RIPK1: variants seen among roughly 807,000 people sequenced by gnomAD.
RIPK1 encodes receptor interacting serine/threonine kinase 1.
RIPK1 carries 27 observed loss-of-function variants against 62.4 expected under a neutral mutation model. The observed-to-expected ratio is 0.43, with a 90% confidence interval of 0.32 to 0.60. The LOEUF (loss-of-function observed/expected upper bound fraction) is 0.60. RIPK1 is among the 20% of genes least tolerant of loss of function. The probability of loss-of-function intolerance (pLI) is 0.07; values close to 1 mark genes in which losing one functional copy is unlikely to be tolerated. For synonymous variants in RIPK1, 287 were observed against 303.2 expected (o/e 0.95, Z 0.55); for missense variants, 735 against 831.0 (o/e 0.88, Z 1.42).
chr6:3,099,022 G>C (rs779416756), intron 7 of RIPK1, among the ~76,000 whole-genome samples: 1 of 152,212 alleles, frequency 6.6e-6, no homozygotes. Flanking sequence ...CTTGCAACAG[G>C]GCAGCAAATC....
At chr6:3,074,347 G>A (rs1277183634) in intron 1 of RIPK1, among the ~76,000 whole-genome samples, 1 of 152,192 alleles carries the variant, frequency 6.6e-6, no homozygotes, top group East Asian at 1.9e-4. Context: ...TTTCGTTCAT[G>A]CGGTTTTCAT....
rs761016670 is a variant in RIPK1, at chr6:3,105,944, A to G, written c.1469A>G (p.Tyr490Cys). 6 of 1,614,000 alleles carry G rather than the reference A, an allele frequency of 3.7e-6. No individual in the cohort carries two copies. The African/African-American group carries it at 8.0e-5, about 22-fold the overall frequency. The change falls in exon 9 of 11, where the codon TAC becomes TGC. Residue 490 changes from tyrosine (Y) to cysteine (C), a missense_variant. Coordinates refer to ENST00000259808, the MANE Select transcript of RIPK1 (RefSeq NM_001354930.2). This position sits in a 1 kb window ranked among gnomAD's most constrained non-coding sequence, Gnocchi z 4.5. ...GGAACAGCAGGTCCCAGAGTTTGGT[A>G]CAGGCCAATTCCAAGTCATATGCCT... ...DPGTAGPRVW[Y>C]RPIPSHMPSL...
chr6:3,101,935 A>G (rs1209755431), intron 7 of RIPK1, among the ~76,000 whole-genome samples: 2 of 152,134 alleles, frequency 1.3e-5, no homozygotes, highest in African/African-American at 4.8e-5. Flanking sequence ...TACCTGCTAA[A>G]CGGTAACTCC....
At position 3,105,342 on chromosome 6, in the gene RIPK1, A is replaced by G. The variant is rs1477659765; in HGVS notation, c.1007-140A>G. 3.2e-6 allele frequency: 2 copies of G among 628,662 alleles called. No individual in the cohort carries two copies. The highest frequency in any genetic ancestry group is 2.6e-5 in the East Asian group (1 of 37,786). 38.9% of individuals were successfully genotyped at this position (628,662 alleles called of 1,614,324 possible). Reference sequence around the variant, plus strand: ...TTGTAAAGCTTGTGGGAAGAGGACCATCTCCTAAATGCTTTGGACTGGTCT... The same window carrying G: ...TTGTAAAGCTTGTGGGAAGAGGACCGTCTCCTAAATGCTTTGGACTGGTCT... On this transcript the variant is annotated intron_variant, in intron 8 of 10. Coordinates refer to ENST00000259808, the MANE Select transcript of RIPK1 (RefSeq NM_001354930.2). The surrounding 1 kb of genome is among the most constrained non-coding windows in gnomAD (Gnocchi z 4.5).
At chr6:3,106,525 A>C (rs566423591) in intron 9 of RIPK1, among the ~76,000 whole-genome samples, 1 of 152,374 alleles carries the variant, frequency 6.6e-6, no homozygotes, top group East Asian at 1.9e-4. Flanking sequence ...AAGGTAGGTG[A>C]TAGTAGTTAC....
intron 7 of RIPK1, 122 bp from the exon 8 acceptor site, chr6:3,104,103 A>G: frequency 1.8e-6 from 1 of 565,020 alleles, no homozygotes; most frequent in Non-Finnish European, 3.2e-6. Flanking sequence ...TTAAAAAATT[A>G]CTACTTGTAA....
chr6:3,077,009 G>A, intron 2 of RIPK1, 22 bp downstream of exon 2: 3 of 1,574,898 alleles, frequency 1.9e-6, no homozygotes, highest in Admixed American at 1.8e-5. Flanking sequence ...GCAGGGGTGG[G>A]TGGGCTAAGT....
intron 5 of RIPK1, 72 bp downstream of exon 5, chr6:3,083,385 C>G: frequency 1.4e-5 from 19 of 1,317,120 alleles, no homozygotes; most frequent in Middle Eastern, 2.5e-4. Flanking sequence ...CTAATAGGTG[C>G]CCAGTAAATT....
At position 3,105,193 on chromosome 6, in the gene RIPK1, C is replaced by T. The variant is rs1362717947; in HGVS notation, c.1007-289C>T. Among the ~76,000 whole-genome samples the T allele has an allele frequency of 1.1e-4, 16 of 152,170 alleles. No homozygotes were observed. On this transcript the variant is annotated intron_variant, in intron 8 of 10. Transcript: ENST00000259808. This position sits in a 1 kb window ranked among gnomAD's most constrained non-coding sequence, Gnocchi z 4.5. ...ACCTGAATTGCTCCAAGGAGACAAC[C>T]ACCTTCTCTGCTCCAAACCAAGTCC...
intron 3 of RIPK1, among the ~76,000 whole-genome samples, chr6:3,079,779 C>T (rs1036933020): frequency 1.3e-5 from 2 of 152,188 alleles, no homozygotes; most frequent in Non-Finnish European, 2.9e-5. Flanking sequence ...TGCTCTCCAC[C>T]CCAGAACTAG....
At chr6:3,069,098 G>A (rs1307197205) in intron 1 of RIPK1, among the ~76,000 whole-genome samples, 3 of 152,244 alleles carry the variant, frequency 2.0e-5, no homozygotes, top group Non-Finnish European at 2.9e-5. Context: ...GCGGAGACCT[G>A]CCTTTGGGCC....
At chr6:3,065,214 G>A (rs1188640947), upstream of RIPK1, among the ~76,000 whole-genome samples, 2 of 138,816 alleles carry the variant, frequency 1.4e-5, no homozygotes, top group Non-Finnish European at 3.0e-5. Flanking sequence ...CTGAGATCGC[G>A]CCACTGCACT....
chr6:3,106,323 T>C (rs565317863), intron 9 of RIPK1, among the ~76,000 whole-genome samples: 4 of 152,294 alleles, frequency 2.6e-5, no homozygotes, highest in African/African-American at 7.2e-5. Flanking sequence ...CTGGAGTGCA[T>C]AGTAGTCCTA....
intron 3 of RIPK1, 60 bp from the exon 4 acceptor site, chr6:3,080,919 A>G (rs1759343136): frequency 1.3e-6 from 2 of 1,541,608 alleles, no homozygotes; most frequent in African/African-American, 1.4e-5. Flanking sequence ...TTCATGAAAC[A>G]GTTGCTTTGG....
chr6:3,079,072 C>T (rs993844082), intron 3 of RIPK1, among the ~76,000 whole-genome samples: 1 of 151,774 alleles, frequency 6.6e-6, no homozygotes, highest in Non-Finnish European at 1.5e-5. Flanking sequence ...GCCACTGCAC[C>T]CAGCTGTGTG....
At chr6:3,083,873 C>T (rs1759552630) in intron 5 of RIPK1, among the ~76,000 whole-genome samples, 1 of 152,066 alleles carries the variant, frequency 6.6e-6, no homozygotes, top group Non-Finnish European at 1.5e-5. Flanking sequence ...ATCGCAGGTA[C>T]CAGAGGAACC....
At chr6:3,083,605 T>G (rs1422196043) in intron 5 of RIPK1, among the ~76,000 whole-genome samples, 1 of 152,158 alleles carries the variant, frequency 6.6e-6, no homozygotes, top group Non-Finnish European at 1.5e-5. Context: ...GCTCCTTCAT[T>G]CAAGAATTAT....
At chr6:3,081,589 A>G (rs1759383142) in intron 4 of RIPK1, among the ~76,000 whole-genome samples, 1 of 152,134 alleles carries the variant, frequency 6.6e-6, no homozygotes, top group Non-Finnish European at 1.5e-5. Context: ...GGCCGGGTGC[A>G]GTGGCCCACG....
At chr6:3,095,820 A>G (rs996099410) in intron 7 of RIPK1, among the ~76,000 whole-genome samples, 2 of 151,056 alleles carry the variant, frequency 1.3e-5, no homozygotes, top group African/African-American at 4.9e-5. Context: ...GAAGTTTTGT[A>G]CTTATTTTAA....
Sources: allele counts gnomAD v4.1 joint callset (sites outside exome capture counted in the v4.1 genomes callset), GRCh38; gene constraint gnomAD v4.1.1; non-coding constraint Gnocchi (gnomAD v3.1); transcripts MANE v1.5; gene names NCBI Gene and HGNC (gene_info 2026-07-23, HGNC 2026-07-21).